The following CARD10 variants were observed in gnomAD, a reference collection of about 807,000 sequenced individuals.
The protein encoded by CARD10 is caspase recruitment domain family member 10, also known as caspase recruitment domain-containing protein 10.
Under a neutral mutation model 114.6 loss-of-function variants are expected in CARD10, and 49 were observed. The observed-to-expected ratio is 0.43, with a 90% CI of 0.34 to 0.54. The LOEUF (loss-of-function observed/expected upper bound fraction) is 0.54, where lower values mean the gene tolerates loss of function less well. CARD10 is among the 20% of genes least tolerant of loss of function. The probability of loss-of-function intolerance (pLI) is 0.03; values close to 1 mark genes in which losing one functional copy is unlikely to be tolerated. For missense variants in CARD10, 1,206 were observed against 1,397.2 expected (o/e 0.86, Z 2.18); for synonymous variants, 602 against 593.2 (o/e 1.01, Z -0.21).
At position 37,496,353 on chromosome 22, in the gene CARD10, G is replaced by A. The variant is rs1923003136; in HGVS notation, c.2059+96C>T. On this transcript the variant is annotated intron_variant, in intron 13 of 19. Transcript: ENST00000251973. The surrounding 1 kb of genome is among the most constrained non-coding windows in gnomAD (Gnocchi z 4.1). ...GAGAAGGGCAATTGGGGCAAGGCTG[G>A]TCCCTTCTCAGGTCCTTGGTCCCTC... 2 of 866,076 alleles carry A rather than the reference G, an allele frequency of 2.3e-6. No homozygotes were observed. Among genetic ancestry groups the A allele is most frequent in the South Asian group, 1.6e-5 (1 of 60,842 alleles). The allele number at this position is 866,076 out of a possible 1,614,324, so 53.6% of individuals were successfully genotyped here. A position where few individuals can be genotyped will look rare whatever the true frequency, so the allele number is the denominator to read the frequency against.
Position 37,495,784 on chromosome 22 carries a change from C to T in CARD10, c.2279G>A (p.Arg760Gln), listed in dbSNP as rs1922981463. The T allele has an allele frequency of 6.2e-7, 1 of 1,613,832 alleles. No individual in the cohort carries two copies. Among genetic ancestry groups the T allele is most frequent in the African/African-American group, 1.3e-5 (1 of 74,954 alleles). ...CCTCTGATAATTGGGCACGGTGCCC[C>T]GGTCCAGGTCCCGCAGAGTGAGGGG... ...VDPLTLRDLD[R>Q]GTVPNYQRAQ... Residue 760 changes from arginine (R) to glutamine (Q), a missense_variant, in exon 14 of 20, where the codon CGG (arginine) becomes CAG (glutamine). This residue lies in a region of CARD10 where 1,068 missense variants were observed against 1,179.1 expected (regional missense o/e 0.91). Transcript: ENST00000251973.
chr22:37,497,767 T>C lies in CARD10; in HGVS notation c.1788-589A>G, dbSNP rs180702400. Among the ~76,000 whole-genome samples the C allele has an allele frequency of 7.5e-4, 114 of 151,554 alleles. No homozygotes were observed. The East Asian group carries it at 0.015, about 20-fold the overall frequency. ...TAATTCCAGCTACTTGGGAGGAGAA[T>C]TGCTTGAACCCAGGAGGCAGAGGTT... On this transcript the variant is annotated intron_variant, in intron 11 of 19. Coordinates refer to ENST00000251973, the MANE Select transcript of CARD10 (RefSeq NM_014550.4).
chr22:37,517,396 G>A (rs141188700), intron 2 of CARD10, among the ~76,000 whole-genome samples: 6,494 of 152,292 alleles, frequency 0.043, 169 homozygotes, highest in African/African-American at 0.058. Flanking sequence ...CCAGCACTCT[G>A]GGAGGCCGAG....
In CARD10 at chr22:37,501,133, CTCTCTCTCTCTCTT is replaced by C. The variant is rs1417188343; in HGVS notation, c.1787+1455_1787+1468del. Among the ~76,000 whole-genome samples, 1 of 151,588 alleles carries C rather than the reference CTCTCTCTCTCTCTT, an allele frequency of 6.6e-6. No homozygotes were observed. Among genetic ancestry groups the C allele is most frequent in the African/African-American group, 2.4e-5 (1 of 41,292 alleles). On this transcript the variant is annotated intron_variant, in intron 11 of 19. Transcript: ENST00000251973. The surrounding 1 kb of genome is among the most constrained non-coding windows in gnomAD (Gnocchi z 5.4). ...CTCCCTCTCCTCTCCGCCTGTCTGC[CTCTCTCTCTCTCTT>C]TCTCTCTCTCTCTCTGTCCACCACC...
rs1923844714 is a variant in CARD10, at chr22:37,516,286, G to A, written c.386C>T (p.Pro129Leu). 1 of 1,592,560 alleles carries A rather than the reference G, an allele frequency of 6.3e-7. No individual in the cohort carries two copies. Among genetic ancestry groups the A allele is most frequent in the Non-Finnish European group, 8.6e-7 (1 of 1,169,258 alleles). The change falls in exon 3 of 20, where the codon CCT (proline) becomes CTT (leucine). Residue 129 changes from proline (P) to leucine (L), a missense_variant. By Grantham distance (98) the Pro-to-Leu change is moderately conservative. Around this residue, in one of 2 missense-constraint regions of CARD10, gnomAD observed 138 missense variants for 218.0 expected, o/e 0.63. Coordinates refer to ENST00000251973, the MANE Select transcript of CARD10 (RefSeq NM_014550.4). ...RCSMILDEEG[P>L]EGLTQFLMTE... ...CATCAAGAATTGGGTCAGGCCCTCA[G>A]GCCCCTCCTCATCTGCCAGGACAGA...
intron 3 of CARD10, among the ~76,000 whole-genome samples, chr22:37,511,406 A>AGGAGGGGGGGG (rs1923641118): frequency 1.0e-5 from 1 of 95,484 alleles, no homozygotes; most frequent in Non-Finnish European, 2.0e-5. Context: ...GGTGAGGAGG[A>AGGAGGGGGGGG]GGAGGGGAGG....
rs970088060 is a variant in CARD10, at chr22:37,490,484, G to T, written c.*675C>A. 6.6e-6 allele frequency: 1 copy of T among 152,300 alleles called. No individual in the cohort carries two copies. The highest frequency in any genetic ancestry group is 2.4e-5 in the African/African-American group (1 of 41,462). 9.4% of individuals were successfully genotyped at this position (152,300 alleles called of 1,614,324 possible). A position where few individuals can be genotyped will look rare whatever the true frequency, so the allele number is the denominator to read the frequency against. On this transcript the variant is annotated 3_prime_UTR_variant, in exon 20 of 20. Coordinates refer to ENST00000251973, the MANE Select transcript of CARD10 (RefSeq NM_014550.4). ...CCGCCCTCCTCGGCCCCCCAAGAGGGAGGCATAGGCAGGGAGTGGGCCCTG... is the reference window on the plus strand; with the variant it reads ...CCGCCCTCCTCGGCCCCCCAAGAGGTAGGCATAGGCAGGGAGTGGGCCCTG...
At chr22:37,505,900 GC>G (rs1923388322) in intron 7 of CARD10, among the ~76,000 whole-genome samples, 2 of 152,174 alleles carry the variant, frequency 1.3e-5, no homozygotes, top group African/African-American at 4.8e-5. Context: ...CACTCAGGCA[GC>G]CAGCCTTCCC....
At chr22:37,502,456 G>T in intron 11 of CARD10, 146 bp downstream of exon 11, 1 of 899,648 alleles carries the variant, frequency 1.1e-6, no homozygotes, top group Non-Finnish European at 1.6e-6. Flanking sequence ...CAGCAGGATT[G>T]GAATCCAAGG....
chr22:37,519,099 G>C lies in CARD10; in HGVS notation c.102C>G (p.Val34=). The stretch of plus-strand genomic sequence containing the variant: ...TCAGGGCGCGAGCCAGCCGATGCCG[G>C]ACGCCCTCGATTCGCTCCCACAGCG... ...EDALWERIEG[V]RHRLARALNP... Residue 34 remains valine, a synonymous_variant, in exon 1 of 20, where the codon GTC becomes GTG. Transcript: ENST00000251973. The surrounding 1 kb of genome is among the most constrained non-coding windows in gnomAD (Gnocchi z 4.1). 1 of 1,589,422 alleles carries C rather than the reference G, an allele frequency of 6.3e-7. No homozygotes were observed. The highest frequency in any genetic ancestry group is 1.3e-5 in the African/African-American group (1 of 74,612).
At chr22:37,502,800 C>T in intron 10 of CARD10, 75 bp from the exon 11 acceptor site, 2 of 1,515,724 alleles carry the variant, frequency 1.3e-6, no homozygotes, top group South Asian at 2.5e-5. Flanking sequence ...CAGGGACTGA[C>T]CCCCCTCCAG....
In CARD10 at chr22:37,508,692, A is replaced by G. The variant is rs1203671394; in HGVS notation, c.910-10T>C. On this transcript the variant is annotated splice_polypyrimidine_tract_variant and intron_variant, in intron 4 of 19. Coordinates refer to ENST00000251973, the MANE Select transcript of CARD10 (RefSeq NM_014550.4). The stretch of plus-strand genomic sequence containing the variant: ...CCGGCCGGCTCGCCTCCTGGGGATC[A>G]CAGGGCAGGGCCACCTCAGGGTCTG... 9 of 1,547,692 alleles carry G rather than the reference A, an allele frequency of 5.8e-6. No homozygotes were observed. The highest frequency in any genetic ancestry group is 6.1e-6 in the Non-Finnish European group (7 of 1,151,148).
Position 37,516,174 on chromosome 22 carries a change from C to T in CARD10, c.498G>A (p.Glu166=). The T allele has an allele frequency of 6.3e-7, 1 of 1,593,708 alleles. No individual in the cohort carries two copies. The change falls in exon 3 of 20, where the codon GAG becomes GAA. Residue 166 remains glutamate, a synonymous_variant. Transcript: ENST00000251973. ...QLQARGRVLE[E]ERAGLEQRLR... ...GCCGCTGCTCCAGCCCTGCCCGCTCCTCCTCGAGCACCCGGCCCCGGGCCT... is the reference window on the plus strand; with the variant it reads ...GCCGCTGCTCCAGCCCTGCCCGCTCTTCCTCGAGCACCCGGCCCCGGGCCT...
chr22:37,503,567 C>T (rs1010006834), intron 9 of CARD10, among the ~76,000 whole-genome samples: 1 of 152,136 alleles, frequency 6.6e-6, no homozygotes, highest in African/African-American at 2.4e-5. Flanking sequence ...CTCCCAGGTA[C>T]GCCTCCTAAA....
chr22:37,510,472 G>A (rs368469356), intron 3 of CARD10, 51 bp from the exon 4 acceptor site: 82 of 1,544,866 alleles, frequency 5.3e-5, no homozygotes, highest in Non-Finnish European at 5.6e-5. Context: ...TGGGAGCCAC[G>A]GGTTACAGGG....
rs911564189 is a variant in CARD10 at position 37,497,047 on chromosome 22, G to A, written c.1919C>T (p.Pro640Leu). ...GAVVRRVLSG[P>L]GSARMEPREQ... ...TCTTGGTTCCATCCTGGCGGACCCA[G>A]GCCCAGACAGCACCCTGCGCACCAC... The change falls in exon 12 of 20, where the codon CCT (proline) becomes CTT (leucine). Residue 640 changes from proline (P) to leucine (L), a missense_variant. By Grantham distance (98) the Pro-to-Leu change is moderately conservative (BLOSUM62 -3). Around this residue, in one of 2 missense-constraint regions of CARD10, gnomAD observed 1,068 missense variants for 1,179.1 expected, o/e 0.91. Coordinates refer to ENST00000251973, the MANE Select transcript of CARD10 (RefSeq NM_014550.4). The A allele has an allele frequency of 6.2e-7, 1 of 1,613,998 alleles. No individual in the cohort carries two copies. Among genetic ancestry groups the A allele is most frequent in the African/African-American group, 1.3e-5 (1 of 75,046 alleles).
chr22:37,508,615 C>T lies in CARD10; in HGVS notation c.977G>A (p.Arg326Gln), dbSNP rs780487593. The change falls in exon 5 of 20, where the codon CGG (arginine) becomes CAG (glutamine). Residue 326 changes from arginine to glutamine, a missense_variant. Transcript: ENST00000251973. Reference protein sequence around the residue: ...ILLDILEHDWREAQDSRQELC... With the variant: ...ILLDILEHDWQEAQDSRQELC... Reference sequence around the variant, plus strand: ...CTCCTGCCTGCTGTCCTGCGCCTCCCGCCAGTCATGCTCTAGGATGTCCAG... The same window carrying T: ...CTCCTGCCTGCTGTCCTGCGCCTCCTGCCAGTCATGCTCTAGGATGTCCAG... 14 of 1,591,246 alleles carry T rather than the reference C, an allele frequency of 8.8e-6. No homozygotes were observed. Among genetic ancestry groups the T allele is most frequent in the East Asian group, 2.3e-5 (1 of 44,116 alleles).
chr22:37,508,614 C>G lies in CARD10; in HGVS notation c.978G>C (p.Arg326=), dbSNP rs867802038. Residue 326 remains arginine, a synonymous_variant, in exon 5 of 20, where the codon CGG becomes CGC. Transcript: ENST00000251973. ...GCTCCTGCCTGCTGTCCTGCGCCTC[C>G]CGCCAGTCATGCTCTAGGATGTCCA... ...ILLDILEHDW[R]EAQDSRQELC... is the part of the protein sequence containing the mutation. 2 of 1,591,436 alleles carry G rather than the reference C, an allele frequency of 1.3e-6. No homozygotes were observed. Among genetic ancestry groups the G allele is most frequent in the Middle Eastern group, 3.3e-4 (2 of 6,012 alleles).
rs888819059 is a variant in CARD10, at chr22:37,519,214, G to A, written c.-14C>T. The A allele has an allele frequency of 4.7e-5, 71 of 1,503,096 alleles. No homozygotes were observed. Among genetic ancestry groups the A allele is most frequent in the Non-Finnish European group, 6.1e-5 (69 of 1,129,220 alleles). 93.1% of individuals were successfully genotyped at this position (1,503,096 alleles called of 1,614,324 possible). ...CCGGCCCGGCATGGCCGTGTCCTCAGGGTCTGCGGGCAAGAGGCGCACGGG... is the reference window on the plus strand; with the variant it reads ...CCGGCCCGGCATGGCCGTGTCCTCAAGGTCTGCGGGCAAGAGGCGCACGGG... On this transcript the variant is annotated 5_prime_UTR_variant, in exon 1 of 20. Transcript: ENST00000251973. The surrounding 1 kb of genome is among the most constrained non-coding windows in gnomAD (Gnocchi z 4.1).
Sources: gnomAD v4.1 joint callset for allele counts (sites outside exome capture counted in the v4.1 genomes callset) on GRCh38, gnomAD v4.1.1 for gene constraint, gnomAD v4.1.1 regional missense constraint, Gnocchi (gnomAD v3.1) non-coding constraint, MANE v1.5 for transcripts, NCBI Gene and HGNC (gene_info 2026-07-23, HGNC 2026-07-21) for gene names.